Variants in MTUS1 observed in about 807,000 individuals in gnomAD.
MTUS1 encodes the protein microtubule-associated tumor suppressor 1.
MTUS1 carries 109 observed loss-of-function variants against 120.8 expected under a neutral mutation model. The observed-to-expected ratio is 0.90, with a 90% CI of 0.77 to 1.06. The LOEUF is 1.06. Ranked by LOEUF, MTUS1 falls within the 50% of genes least tolerant of loss-of-function variation. MTUS1 has a pLI of 0.00. For synonymous variants in MTUS1, 737 were observed against 550.5 expected (o/e 1.34, Z -4.74); for missense variants, 2,210 against 1,486.3 (o/e 1.49, Z -8.01).
intron 2 of MTUS1, among the ~76,000 whole-genome samples, chr8:17,751,835 C>A (rs1260635469): frequency 8.1e-6 from 1 of 123,378 alleles, no homozygotes; most frequent in Non-Finnish European, 1.6e-5. Context: ...TCCAGCCTGG[C>A]GAAAGAGCAA....
Position 17,743,852 on chromosome 8 carries a change from C to CA in MTUS1, c.2092-54dup. The CA allele has an allele frequency of 2.0e-6, 3 of 1,509,000 alleles. No homozygotes were observed. The South Asian group carries it at 3.6e-5, about 18-fold the overall frequency. 93.5% of individuals were successfully genotyped at this position (1,509,000 alleles called of 1,614,324 possible). A position where few individuals can be genotyped will look rare whatever the true frequency, so the allele number is the denominator to read the frequency against. ...ACCAAAACTAAAATTCTAAGCCCCC[C>CA]AACTGACTGAATGGGCCCCTCCTCT... On this transcript the variant is annotated intron_variant, in intron 2 of 14. Coordinates refer to ENST00000693296, the MANE Select transcript of MTUS1 (RefSeq NM_001363059.2).
At chr8:17,728,519 C>A (rs1489527439) in intron 3 of MTUS1, among the ~76,000 whole-genome samples, 2 of 152,220 alleles carry the variant, frequency 1.3e-5, no homozygotes, top group Non-Finnish European at 2.9e-5. Context: ...AAAGTTCAAA[C>A]ATATACAGAG....
At chr8:17,784,035 C>T (rs1253593530) in intron 1 of MTUS1, among the ~76,000 whole-genome samples, 3 of 152,152 alleles carry the variant, frequency 2.0e-5, no homozygotes, top group Non-Finnish European at 4.4e-5. Flanking sequence ...AGCCCCCAAA[C>T]GTTTTAAAAG....
At chr8:17,671,772 C>T (rs1476153126) in intron 8 of MTUS1, among the ~76,000 whole-genome samples, 2 of 152,122 alleles carry the variant, frequency 1.3e-5, no homozygotes, top group East Asian at 1.9e-4. Context: ...AGAAAAATTA[C>T]CCAATGGGAG....
At chr8:17,773,542 C>T (rs1344206069) in intron 1 of MTUS1, among the ~76,000 whole-genome samples, 1 of 152,134 alleles carries the variant, frequency 6.6e-6, no homozygotes, top group Non-Finnish European at 1.5e-5. Flanking sequence ...GGCTTAGAGT[C>T]CAAGAACACA....
chr8:17,696,301 C>T (rs769809454), intron 6 of MTUS1, among the ~76,000 whole-genome samples: 1 of 151,830 alleles, frequency 6.6e-6, no homozygotes, highest in Non-Finnish European at 1.5e-5. Context: ...AAGGGAGATG[C>T]CTCTGGGAAA....
chr8:17,683,709 C>CT (rs1815115830), intron 7 of MTUS1, among the ~76,000 whole-genome samples: 2 of 152,220 alleles, frequency 1.3e-5, no homozygotes, highest in South Asian at 4.1e-4. Context: ...ATAATTACAG[C>CT]TTTTATTGCT....
intron 3 of MTUS1, among the ~76,000 whole-genome samples, chr8:17,735,069 C>G (rs1011986784): frequency 6.6e-6 from 1 of 152,106 alleles, no homozygotes; most frequent in Non-Finnish European, 1.5e-5. Context: ...CAGGCGGGAG[C>G]CACTGGGCCT....
intron 8 of MTUS1, among the ~76,000 whole-genome samples, chr8:17,666,431 A>T (rs562718296): frequency 6.6e-6 from 1 of 152,054 alleles, no homozygotes; most frequent in African/African-American, 2.4e-5. Flanking sequence ...ATAAGAATGG[A>T]CTCAATTCAC....
intron 3 of MTUS1, among the ~76,000 whole-genome samples, chr8:17,731,207 AT>A (rs2046551591): frequency 6.6e-6 from 1 of 152,302 alleles, no homozygotes; most frequent in African/African-American, 2.4e-5. Context: ...GAATTGCCAA[AT>A]TAAAATTTGA....
Position 17,780,603 on chromosome 8 carries a change from C to A in MTUS1, c.-155+20458G>T, listed in dbSNP as rs569211754. The stretch of plus-strand genomic sequence containing the variant: ...TCCCCAGTAGCAACTCCGACAGGCA[C>A]TGCCTTCAAAATACATTTCAAAAGC... On this transcript the variant is annotated intron_variant, in intron 1 of 14. Transcript: ENST00000693296. Among the ~76,000 whole-genome samples, 4 of 152,336 alleles carry A rather than the reference C, an allele frequency of 2.6e-5. No homozygotes were observed. In the South Asian group the frequency reaches 8.3e-4, roughly 32 times the overall value.
rs979987979 is a variant in MTUS1, at chr8:17,645,191, C to G, written c.*735G>C. On this transcript the variant is annotated 3_prime_UTR_variant, in exon 15 of 15. Coordinates refer to ENST00000693296, the MANE Select transcript of MTUS1 (RefSeq NM_001363059.2). ...AATCTACAGAAAAATCTAGTTTCAA[C>G]TGACATGGCTGAACACTGAAAAACT... The G allele has an allele frequency of 6.5e-6, 1 of 152,678 alleles. No homozygotes were observed. Among genetic ancestry groups the G allele is most frequent in the African/African-American group, 2.4e-5 (1 of 41,536 alleles). 9.5% of individuals were successfully genotyped at this position (152,678 alleles called of 1,614,324 possible).
At chr8:17,739,385 C>T (rs865953333) in intron 3 of MTUS1, among the ~76,000 whole-genome samples, 2 of 151,788 alleles carry the variant, frequency 1.3e-5, no homozygotes, top group South Asian at 2.1e-4. Context: ...CCCAGCTACT[C>T]GGGAGGCTGA....
intron 8 of MTUS1, among the ~76,000 whole-genome samples, chr8:17,664,646 C>T (rs2130474488): frequency 6.6e-6 from 1 of 152,210 alleles, no homozygotes; most frequent in East Asian, 1.9e-4. Context: ...GTAAACAGAA[C>T]TGTCACTTCT....
At chr8:17,790,262 T>A (rs1224694304) in intron 1 of MTUS1, among the ~76,000 whole-genome samples, 1 of 151,098 alleles carries the variant, frequency 6.6e-6, no homozygotes, top group Non-Finnish European at 1.5e-5. Flanking sequence ...GTAGGAGAAC[T>A]GCTTGAACCC....
Position 17,753,770 on chromosome 8 carries a change from CTT to C in MTUS1, c.2036_2037del (p.Gln679ArgfsTer9). On this transcript the variant is annotated frameshift_variant, in exon 2 of 15. Coordinates refer to ENST00000693296, the MANE Select transcript of MTUS1 (RefSeq NM_001363059.2). LOFTEE classifies it high-confidence loss of function. ...TCATTCATAATCTCTTGTTTCAGCT[CTT>C]GTTTTTCCATAGATGTCCCATTTTC... is the stretch of plus-strand genomic sequence containing the variant. ...EKENGTSMEK[Q>X]ELKQEIMNET... The C allele has an allele frequency of 1.2e-6, 2 of 1,612,900 alleles. No homozygotes were observed. The highest frequency in any genetic ancestry group is 1.7e-6 in the Non-Finnish European group (2 of 1,179,808).
intron 1 of MTUS1, among the ~76,000 whole-genome samples, chr8:17,760,838 C>T (rs924774877): frequency 6.7e-6 from 1 of 150,260 alleles, no homozygotes; most frequent in Non-Finnish European, 1.5e-5. Context: ...AACAAACCAT[C>T]CTCACCCAAA....
intron 3 of MTUS1, among the ~76,000 whole-genome samples, chr8:17,725,136 C>A (rs542976531): frequency 6.6e-6 from 1 of 152,220 alleles, no homozygotes; most frequent in South Asian, 2.1e-4. Flanking sequence ...TATATTCTAG[C>A]ACTGTCTCCC....
At chr8:17,781,381 T>C (rs2050863714) in intron 1 of MTUS1, among the ~76,000 whole-genome samples, 1 of 152,174 alleles carries the variant, frequency 6.6e-6, no homozygotes, top group African/African-American at 2.4e-5. Context: ...CAACTTAAAA[T>C]GTGTAGTCTT....
Sources: gnomAD v4.1 joint callset for allele counts (sites outside exome capture counted in the v4.1 genomes callset) on GRCh38, gnomAD v4.1.1 for gene constraint, MANE v1.5 for transcripts, NCBI Gene and HGNC (gene_info 2026-07-23, HGNC 2026-07-21) for gene names.